ADAMTS14: variants seen among roughly 807,000 people sequenced by gnomAD.
ADAMTS14 encodes A disintegrin and metalloproteinase with thrombospondin motifs 14.
In ADAMTS14, 100 loss-of-function variants were observed where a neutral mutation model predicts 128.6. That is an observed-to-expected ratio of 0.78 (90% CI 0.66 to 0.92). The LOEUF (loss-of-function observed/expected upper bound fraction) is 0.92, where lower values mean the gene tolerates loss of function less well. Ranked by LOEUF, ADAMTS14 falls within the 40% of genes least tolerant of loss-of-function variation. The probability of loss-of-function intolerance (pLI) is 0.00; values close to 1 mark genes in which losing one functional copy is unlikely to be tolerated. For missense variants in ADAMTS14, 1,562 were observed against 1,658.6 expected (o/e 0.94, Z 1.01); for synonymous variants, 665 against 653.8 (o/e 1.02, Z -0.26).
At chr10:70,687,181 G>A (rs1839994012) in intron 2 of ADAMTS14, among the ~76,000 whole-genome samples, 1 of 106,152 alleles carries the variant, frequency 9.4e-6, no homozygotes, top group African/African-American at 3.4e-5. Flanking sequence ...TGGCCGGGCA[G>A]GGGGGCTGAC....
Position 70,732,260 on chromosome 10 carries a change from C to T in ADAMTS14, c.1109C>T (p.Ala370Val), listed in dbSNP as rs780802159. The change falls in exon 7 of 22, where the codon GCA (alanine) becomes GTA (valine). Residue 370 changes from alanine to valine, a missense_variant. Transcript: ENST00000373207. ...TRQDFGPSGY[A>V]PVTGMCHPLR... is the part of the protein sequence containing the mutation. ...TTCTTTCTCTCTTCGGCAGGGTATGCACCCGTCACTGGCATGTGTCACCCC... is the reference window on the plus strand; with the variant it reads ...TTCTTTCTCTCTTCGGCAGGGTATGTACCCGTCACTGGCATGTGTCACCCC... The T allele has an allele frequency of 1.2e-6, 2 of 1,614,090 alleles. No individual in the cohort carries two copies. The highest frequency in any genetic ancestry group is 1.7e-6 in the Non-Finnish European group (2 of 1,179,944).
In ADAMTS14 at chr10:70,752,168, C is replaced by A; in HGVS notation, c.2670C>A (p.His890Gln). Residue 890 changes from histidine (H) to glutamine (Q), a missense_variant, in exon 18 of 22, where the codon CAC becomes CAA. Coordinates refer to ENST00000373207, the MANE Select transcript of ADAMTS14 (RefSeq NM_080722.4). ...TGGTGCAGCGACACCTGTGTGACCA[C>A]AAGAAGAGGCCCAAGCCCATCCGCC... The part of the protein sequence containing the change: ...HHMVQRHLCD[H>Q]KKRPKPIRRR... 6.2e-7 allele frequency: 1 copy of A among 1,613,700 alleles called. No individual in the cohort carries two copies. The highest frequency in any genetic ancestry group is 8.5e-7 in the Non-Finnish European group (1 of 1,179,980).
chr10:70,674,841 C>T lies in ADAMTS14; in HGVS notation c.368C>T (p.Pro123Leu), dbSNP rs1219551961. The T allele has an allele frequency of 1.9e-6, 3 of 1,613,942 alleles. No homozygotes were observed. The highest frequency in any genetic ancestry group is 4.5e-5 in the East Asian group (2 of 44,880). Residue 123 changes from proline to leucine, a missense_variant, in exon 2 of 22, where the codon CCC becomes CTC. Transcript: ENST00000373207. ...AAGGAACTGCACTTGCGCCTGCGGCCCAATCGGAGGTTGGTAGTGCCAGGA... is the reference window on the plus strand; with the variant it reads ...AAGGAACTGCACTTGCGCCTGCGGCTCAATCGGAGGTTGGTAGTGCCAGGA... ...FGKELHLRLR[P>L]NRRLVVPGSS...
At chr10:70,729,117 C>T (rs556198699) in intron 4 of ADAMTS14, among the ~76,000 whole-genome samples, 177 bp from the exon 5 acceptor site, 11 of 152,034 alleles carry the variant, frequency 7.2e-5, no homozygotes, top group African/African-American at 1.7e-4. Context: ...AGTGTGTCCT[C>T]GGGCAGGTCA....
At chr10:70,688,251 C>G (rs1840050020) in intron 2 of ADAMTS14, among the ~76,000 whole-genome samples, 1 of 55,028 alleles carries the variant, frequency 1.8e-5, no homozygotes, top group African/African-American at 7.3e-5. Context: ...CAGAGGCGCT[C>G]CCCACATCTC....
chr10:70,714,670 C>A (rs1009552769), intron 4 of ADAMTS14, among the ~76,000 whole-genome samples: 6 of 152,020 alleles, frequency 3.9e-5, no homozygotes, highest in African/African-American at 1.4e-4. Flanking sequence ...GGGGTTTGGC[C>A]AGGTACAGTG....
At chr10:70,691,960 C>T (rs534967963) in intron 2 of ADAMTS14, among the ~76,000 whole-genome samples, 5 of 152,276 alleles carry the variant, frequency 3.3e-5, no homozygotes, top group South Asian at 2.1e-4. Flanking sequence ...TGTCCCTTTT[C>T]GTGCCATTCT....
intron 2 of ADAMTS14, among the ~76,000 whole-genome samples, chr10:70,699,799 G>A (rs937800541): frequency 1.2e-4 from 19 of 152,206 alleles, no homozygotes; most frequent in Non-Finnish European, 4.4e-5. Flanking sequence ...GGTGCCTGGT[G>A]TGTGGGAGGG....
At chr10:70,730,394 C>A in intron 6 of ADAMTS14, 145 bp downstream of exon 6, 2 of 1,179,802 alleles carry the variant, frequency 1.7e-6, no homozygotes, top group South Asian at 3.6e-5. Context: ...CGAGGATGAG[C>A]TTTGCAATGG....
intron 3 of ADAMTS14, among the ~76,000 whole-genome samples, chr10:70,706,795 A>C (rs4747081): frequency 0.078 from 11,927 of 152,304 alleles, 956 homozygotes; most frequent in East Asian, 0.48. Context: ...GGTGACACCA[A>C]GCCCTGTGTG....
At chr10:70,742,393 T>C (rs61852906) in intron 12 of ADAMTS14, among the ~76,000 whole-genome samples, 2,991 of 151,572 alleles carry the variant, frequency 0.02, 39 homozygotes, top group South Asian at 0.061. Flanking sequence ...TGGGTCAGGA[T>C]CCTGCCTGTC....
At chr10:70,719,585 T>TAAA (rs1229522559) in intron 4 of ADAMTS14, among the ~76,000 whole-genome samples, 52 of 151,554 alleles carry the variant, frequency 3.4e-4, no homozygotes, top group Admixed American at 1.1e-3. Context: ...TTTTTTTTTT[T>TAAA]AAAAAATAGA....
At chr10:70,706,428 T>C (rs560776001) in intron 3 of ADAMTS14, among the ~76,000 whole-genome samples, 2 of 152,200 alleles carry the variant, frequency 1.3e-5, no homozygotes, top group African/African-American at 2.4e-5. Flanking sequence ...GCACAGCCCA[T>C]GCGTTGGGAG....
chr10:70,736,721 T>C lies in ADAMTS14; in HGVS notation c.1527T>C (p.His509=), dbSNP rs1238474174. ...CCTGCAAGCAGCTGTGGTGCAGCCA[T>C]CCTGACAACCCGTACTTCTGCAAGA... ...FEPCKQLWCS[H]PDNPYFCKTK... The change falls in exon 10 of 22, where the codon CAT becomes CAC. Residue 509 remains histidine, a synonymous_variant. Transcript: ENST00000373207. The C allele has an allele frequency of 3.7e-6, 6 of 1,613,876 alleles. No individual in the cohort carries two copies. Among genetic ancestry groups the C allele is most frequent in the Non-Finnish European group, 5.1e-6 (6 of 1,179,858 alleles).
At chr10:70,753,361 C>A (rs1415352843) in intron 18 of ADAMTS14, among the ~76,000 whole-genome samples, 1 of 152,182 alleles carries the variant, frequency 6.6e-6, no homozygotes, top group Non-Finnish European at 1.5e-5. Context: ...GTCCCAGGAG[C>A]CCCATGGGAA....
intron 2 of ADAMTS14, among the ~76,000 whole-genome samples, chr10:70,696,484 G>A (rs1310110910): frequency 1.3e-5 from 2 of 152,180 alleles, no homozygotes; most frequent in Non-Finnish European, 2.9e-5. Context: ...CTGATTTCAA[G>A]TGAGAACAGT....
rs1841910563 is a variant in ADAMTS14, at chr10:70,738,927, G to A, written c.1685G>A (p.Gly562Glu). 6.2e-7 allele frequency: 1 copy of A among 1,613,964 alleles called. No individual in the cohort carries two copies. The highest frequency in any genetic ancestry group is 1.3e-5 in the African/African-American group (1 of 74,918). Residue 562 changes from glycine (G) to glutamate (E), a missense_variant, in exon 11 of 22, where the codon GGG becomes GAG. Transcript: ENST00000373207. ...GGCTGGAGCTCCTGGACCAAGTTTGGGTCATGTTCGCGGTCATGTGGGGGC... is the reference window on the plus strand; with the variant it reads ...GGCTGGAGCTCCTGGACCAAGTTTGAGTCATGTTCGCGGTCATGTGGGGGC... ...DGGWSSWTKF[G>E]SCSRSCGGGV... is the part of the protein sequence containing the mutation.
intron 2 of ADAMTS14, among the ~76,000 whole-genome samples, chr10:70,687,219 G>A (rs1358979400): frequency 4.9e-5 from 5 of 101,192 alleles, no homozygotes; most frequent in African/African-American, 1.3e-4. Context: ...CGGACGGGGC[G>A]GCTGGCTGGG....
chr10:70,681,708 A>G (rs977732950), intron 2 of ADAMTS14, among the ~76,000 whole-genome samples: 1 of 152,196 alleles, frequency 6.6e-6, no homozygotes, highest in African/African-American at 2.4e-5. Context: ...TCGGCTCCAC[A>G]TTCCACCCTG....
Sources: allele counts gnomAD v4.1 joint callset (sites outside exome capture counted in the v4.1 genomes callset), GRCh38; gene constraint gnomAD v4.1.1; transcripts MANE v1.5; gene names NCBI Gene and HGNC (gene_info 2026-07-23, HGNC 2026-07-21).